Variants in ADGRA3 observed in about 807,000 individuals in gnomAD.
The protein encoded by ADGRA3 is adhesion G protein-coupled receptor A3, also known as G-protein coupled receptor 125.
A neutral mutation model predicts 119.8 loss-of-function variants in ADGRA3; 56 were observed. The observed-to-expected ratio is 0.47, with a 90% CI of 0.38 to 0.58. The LOEUF (loss-of-function observed/expected upper bound fraction) is 0.58, where lower values mean the gene tolerates loss of function less well. ADGRA3 is among the 20% of genes least tolerant of loss of function. The pLI is 0.00. For missense variants in ADGRA3, 1,516 were observed against 1,649.0 expected (o/e 0.92, Z 1.40); for synonymous variants, 607 against 623.8 (o/e 0.97, Z 0.40).
intron 2 of ADGRA3, among the ~76,000 whole-genome samples, chr4:22,466,446 GC>G (rs1717661741): frequency 6.6e-6 from 1 of 152,192 alleles, no homozygotes; most frequent in South Asian, 2.1e-4. Context: ...ACCTGTGAAT[GC>G]TGGGCGCATT....
At chr4:22,513,327 G>A (rs1286835316) in intron 1 of ADGRA3, among the ~76,000 whole-genome samples, 1 of 151,482 alleles carries the variant, frequency 6.6e-6, no homozygotes, top group African/African-American at 2.4e-5. Flanking sequence ...CTAATTTTCT[G>A]TATTTTTAGT....
chr4:22,505,478 C>A (rs1407206663), intron 1 of ADGRA3, among the ~76,000 whole-genome samples: 1 of 151,902 alleles, frequency 6.6e-6, no homozygotes, highest in Non-Finnish European at 1.5e-5. Flanking sequence ...GAAACCACAT[C>A]TCTACTAAAA....
chr4:22,488,491 G>A (rs1428311033), intron 1 of ADGRA3, among the ~76,000 whole-genome samples: 3 of 152,194 alleles, frequency 2.0e-5, no homozygotes, highest in Non-Finnish European at 4.4e-5. Flanking sequence ...AGGGGGCTGG[G>A]ACCACCCCTG....
In ADGRA3 at chr4:22,515,772, C is replaced by T. The variant is rs1244956451; in HGVS notation, c.13G>A (p.Gly5Arg). 10 of 1,015,646 alleles carry T rather than the reference C, an allele frequency of 9.8e-6. No homozygotes were observed. The highest frequency in any genetic ancestry group is 1.2e-5 in the Non-Finnish European group (10 of 854,550). The allele number at this position is 1,015,646 out of a possible 1,614,324, so 62.9% of individuals were successfully genotyped here. Residue 5 changes from glycine (G) to arginine (R), a missense_variant, in exon 1 of 19, where the codon GGA becomes AGA. Physicochemically the swap from Gly to Arg is moderately radical, Grantham distance 125. Coordinates refer to ENST00000334304, the MANE Select transcript of ADGRA3 (RefSeq NM_145290.4). ...GGCTGCGCGCGGCCCCGCCGGCGTCCGGGTGGCTCCATGCTGCGGGCCGGG... is the reference window on the plus strand; with the variant it reads ...GGCTGCGCGCGGCCCCGCCGGCGTCTGGGTGGCTCCATGCTGCGGGCCGGG... MEPP[G>R]RRRGRAQPPL...
At chr4:22,473,980 AAGTG>A (rs375831824) in intron 1 of ADGRA3, 137 bp from the exon 2 acceptor site, 247 of 508,342 alleles carry the variant, frequency 4.9e-4, no homozygotes, top group African/African-American at 3.7e-3. Context: ...GGCTGAAAAA[AAGTG>A]AGTGTCTTCC....
chr4:22,443,293 G>A (rs1456999823), intron 6 of ADGRA3, among the ~76,000 whole-genome samples: 2 of 151,916 alleles, frequency 1.3e-5, no homozygotes, highest in African/African-American at 4.8e-5. Context: ...AGAAAAATCA[G>A]AACATTTAAA....
At position 22,389,104 on chromosome 4, in the gene ADGRA3, G is replaced by A. The variant is rs747149778; in HGVS notation, c.2707C>T (p.Arg903Trp). 12 of 1,613,684 alleles carry A rather than the reference G, an allele frequency of 7.4e-6. No homozygotes were observed. In the East Asian group the frequency reaches 8.9e-5, roughly 12 times the overall value. The change falls in exon 18 of 19, where the codon CGG becomes TGG. Residue 903 changes from arginine to tryptophan, a missense_variant. By Grantham distance (101) the Arg-to-Trp change is moderately radical. Coordinates refer to ENST00000334304, the MANE Select transcript of ADGRA3 (RefSeq NM_145290.4). ...AAANIKNYGSRPNAPYCWMAW... is the reference protein window; with the variant it reads ...AAANIKNYGSWPNAPYCWMAW... ...AATACTCACTAGGGTGCGTTTGGCCGACTGCCGTAATTCTTAATGTTCGCT... is the reference window on the plus strand; with the variant it reads ...AATACTCACTAGGGTGCGTTTGGCCAACTGCCGTAATTCTTAATGTTCGCT...
In ADGRA3 at chr4:22,413,192, G is replaced by C. The variant is rs776810635; in HGVS notation, c.2222C>G (p.Ala741Gly). The change falls in exon 14 of 19, where the codon GCA (alanine) becomes GGA (glycine). Residue 741 changes from alanine (A) to glycine (G), a missense_variant. Transcript: ENST00000334304. ...TAACAACTGCCATACCATTAAAACT[G>C]CATAGTTACTAAGGGAGTAGCACTG... ...TIQCYSLSNY[A>G]VLMDLTGSEL... 123 of 1,611,032 alleles carry C rather than the reference G, an allele frequency of 7.6e-5. No individual in the cohort carries two copies. Among genetic ancestry groups the C allele is most frequent in the Non-Finnish European group, 1.0e-4 (119 of 1,177,368 alleles).
chr4:22,479,796 C>T (rs1560338349), intron 1 of ADGRA3, among the ~76,000 whole-genome samples: 1 of 150,998 alleles, frequency 6.6e-6, no homozygotes, highest in Admixed American at 6.6e-5. Flanking sequence ...ACATGTACAC[C>T]ATGGAATACT....
intron 1 of ADGRA3, among the ~76,000 whole-genome samples, chr4:22,493,269 A>T (rs906175660): frequency 5.3e-5 from 8 of 152,110 alleles, no homozygotes; most frequent in Admixed American, 1.3e-4. Context: ...CCCAGCCTCC[A>T]CCTTTCCATT....
At chr4:22,400,774 T>C (rs749749634) in intron 16 of ADGRA3, among the ~76,000 whole-genome samples, 27 of 151,820 alleles carry the variant, frequency 1.8e-4, no homozygotes, top group Non-Finnish European at 3.8e-4. Context: ...AGCCGATAAA[T>C]GGTAAAGTGA....
chr4:22,478,100 T>C (rs941566490), intron 1 of ADGRA3: 1 of 152,180 alleles, frequency 6.6e-6, no homozygotes, highest in Non-Finnish European at 1.5e-5. Flanking sequence ...TACCGCCACA[T>C]GATCTATGGA....
intron 11 of ADGRA3, among the ~76,000 whole-genome samples, chr4:22,423,016 T>C (rs1715773416): frequency 6.6e-6 from 1 of 151,936 alleles, no homozygotes; most frequent in Non-Finnish European, 1.5e-5. Flanking sequence ...GCCAACGTAA[T>C]GTAACCCCGT....
intron 1 of ADGRA3, among the ~76,000 whole-genome samples, chr4:22,499,963 T>C (rs1358400266): frequency 6.6e-6 from 1 of 152,190 alleles, no homozygotes; most frequent in Non-Finnish European, 1.5e-5. Context: ...ATATTTGCAT[T>C]ATACTTACAG....
chr4:22,474,939 T>C (rs1327958506), intron 1 of ADGRA3, among the ~76,000 whole-genome samples: 1 of 152,190 alleles, frequency 6.6e-6, no homozygotes, highest in African/African-American at 2.4e-5. Flanking sequence ...AAATGGAGCA[T>C]ACCTCTGGAT....
At chr4:22,452,404 A>G (rs1475880323) in intron 4 of ADGRA3, among the ~76,000 whole-genome samples, 1 of 152,210 alleles carries the variant, frequency 6.6e-6, no homozygotes, top group Admixed American at 6.5e-5. Context: ...ATATACAAAT[A>G]CAAATAAATC....
At chr4:22,446,493 G>A (rs1716832625) in intron 5 of ADGRA3, among the ~76,000 whole-genome samples, 2 of 152,080 alleles carry the variant, frequency 1.3e-5, no homozygotes, top group Admixed American at 6.6e-5. Context: ...GAATGGTAAG[G>A]GTGCCAAAAA....
chr4:22,508,198 C>T lies in ADGRA3; in HGVS notation c.257+7330G>A, dbSNP rs566833697. 1.1e-4 allele frequency among the ~76,000 whole-genome samples: 16 copies of T among 152,276 alleles called. No individual in the cohort carries two copies. The South Asian group carries it at 1.2e-3, about 12-fold the overall frequency. On this transcript the variant is annotated intron_variant, in intron 1 of 18. Transcript: ENST00000334304. ...CAAGAGCACAAACACTAATAGCTAC[C>T]TGGGTTCAGGGATGGAAGGATCAAA...
chr4:22,485,907 C>T (rs1718418419), intron 1 of ADGRA3, among the ~76,000 whole-genome samples: 1 of 152,234 alleles, frequency 6.6e-6, no homozygotes, highest in East Asian at 1.9e-4. Context: ...ACTGGAGCAG[C>T]TGTTTCAGGT....
Sources: gnomAD v4.1 joint callset for allele counts (sites outside exome capture counted in the v4.1 genomes callset) on GRCh38, gnomAD v4.1.1 for gene constraint, MANE v1.5 for transcripts, NCBI Gene and HGNC (gene_info 2026-07-23, HGNC 2026-07-21) for gene names.